The following PXDNL variants were observed in gnomAD, a reference collection of about 807,000 sequenced individuals.
The protein encoded by PXDNL is peroxidasin like.
PXDNL carries 145 observed loss-of-function variants against 150.8 expected under a neutral mutation model. That is an observed-to-expected ratio of 0.96 (90% CI 0.84 to 1.10). The LOEUF (loss-of-function observed/expected upper bound fraction) is 1.10, where lower values mean the gene tolerates loss of function less well. PXDNL is among the 50% of genes least tolerant of loss of function. PXDNL has a pLI of 0.00. For missense variants in PXDNL, 2,087 were observed against 1,873.9 expected, an observed-to-expected ratio of 1.11 and a Z score of -2.10; for synonymous variants, 757 against 725.7, an observed-to-expected ratio of 1.04 and a Z score of -0.69.
At chr8:51,326,384 G>T (rs1329611567) in intron 21 of PXDNL, among the ~76,000 whole-genome samples, 2 of 152,144 alleles carry the variant, frequency 1.3e-5, no homozygotes, top group Non-Finnish European at 2.9e-5. Flanking sequence ...TGTAATCTGA[G>T]CTACTCAGGA....
At position 51,797,941 on chromosome 8, in the gene PXDNL, A is replaced by G. The variant is rs544251220; in HGVS notation, c.164+11240T>C. 9.8e-5 allele frequency among the ~76,000 whole-genome samples: 15 copies of G among 152,342 alleles called. No homozygotes were observed. In the South Asian group the frequency reaches 2.7e-3, roughly 27 times the overall value. On this transcript the variant is annotated intron_variant, in intron 1 of 22. Transcript: ENST00000356297. ...ACGTCAAACAATACAACAAGGCTAC[A>G]GTAACCAAAACAGCATGGTACTGAT...
intron 1 of PXDNL, among the ~76,000 whole-genome samples, chr8:51,658,344 G>GAAAAAATAAAA (rs1815195249): frequency 1.1e-5 from 1 of 94,232 alleles, no homozygotes. Flanking sequence ...CCTGTCTCAA[G>GAAAAAATAAAA]AAAAAAAAAA....
At chr8:51,330,073 T>C (rs1345388950) in intron 21 of PXDNL, among the ~76,000 whole-genome samples, 6 of 152,204 alleles carry the variant, frequency 3.9e-5, no homozygotes, top group Admixed American at 2.0e-4. Context: ...TCCAATTTTT[T>C]GTTCCATTCA....
intron 4 of PXDNL, among the ~76,000 whole-genome samples, chr8:51,522,311 TG>T (rs1446672935): frequency 3.3e-5 from 5 of 152,212 alleles, no homozygotes; most frequent in Non-Finnish European, 4.4e-5. Flanking sequence ...CCTCTTGTTC[TG>T]GGTTCTCTGT....
At chr8:51,337,694 T>C (rs1805868930) in intron 21 of PXDNL, among the ~76,000 whole-genome samples, 1 of 151,454 alleles carries the variant, frequency 6.6e-6, no homozygotes, top group African/African-American at 2.4e-5. Context: ...CTGGCCAACA[T>C]GGTGAAACCC....
intron 2 of PXDNL, among the ~76,000 whole-genome samples, chr8:51,617,113 G>C (rs546749780): frequency 3.3e-5 from 5 of 152,166 alleles, no homozygotes; most frequent in Admixed American, 3.3e-4. Context: ...AGGGAGTCCT[G>C]GCGAAGCTTG....
At chr8:51,372,504 C>T (rs550680735) in intron 18 of PXDNL, among the ~76,000 whole-genome samples, 1 of 152,332 alleles carries the variant, frequency 6.6e-6, no homozygotes, top group Admixed American at 6.5e-5. Flanking sequence ...CCTGCCTCAG[C>T]CTCCCAAGTA....
At chr8:51,467,520 T>G (rs1363276075) in intron 8 of PXDNL, among the ~76,000 whole-genome samples, 2 of 152,052 alleles carry the variant, frequency 1.3e-5, no homozygotes, top group South Asian at 4.1e-4. Flanking sequence ...TTTGTTACTA[T>G]GCTCACTTCT....
chr8:51,506,219 G>A (rs1465832166), intron 4 of PXDNL, among the ~76,000 whole-genome samples: 1 of 152,214 alleles, frequency 6.6e-6, no homozygotes, highest in African/African-American at 2.4e-5. Flanking sequence ...TTCACTCTTT[G>A]GGAAGTTATT....
intron 2 of PXDNL, among the ~76,000 whole-genome samples, chr8:51,615,261 C>T (rs998061935): frequency 6.6e-6 from 1 of 151,816 alleles, no homozygotes; most frequent in Middle Eastern, 3.4e-3. Context: ...AAAATCCTTA[C>T]AATTTTTTTC....
Position 51,337,455 on chromosome 8 carries a change from C to T in PXDNL, c.4146+2169G>A, listed in dbSNP as rs370037222. 5.3e-5 allele frequency among the ~76,000 whole-genome samples: 8 copies of T among 152,242 alleles called. No homozygotes were observed. In the East Asian group the frequency reaches 1.5e-3, roughly 29 times the overall value. ...ACATCTCTTCCCTGATACACATTAA[C>T]TCACGAGGATGAAATAGGGTTTCCG... On this transcript the variant is annotated intron_variant, in intron 21 of 22. Transcript: ENST00000356297.
At chr8:51,531,193 G>A (rs1034689934) in intron 4 of PXDNL, among the ~76,000 whole-genome samples, 4 of 152,220 alleles carry the variant, frequency 2.6e-5, no homozygotes, top group Non-Finnish European at 1.5e-5. Context: ...AGCTAAAGCT[G>A]TCTAGAGCTA....
intron 5 of PXDNL, among the ~76,000 whole-genome samples, chr8:51,492,426 A>C (rs1810916816): frequency 6.6e-6 from 1 of 152,108 alleles, no homozygotes; most frequent in Non-Finnish European, 1.5e-5. Context: ...AGAGTGTCAG[A>C]AAGTGGGTGC....
At chr8:51,628,906 G>GA (rs59345635) in intron 2 of PXDNL, among the ~76,000 whole-genome samples, 2 of 151,806 alleles carry the variant, frequency 1.3e-5, no homozygotes, top group African/African-American at 4.8e-5. Context: ...TTGAAGAGGG[G>GA]AAAAAAACTG....
chr8:51,695,633 T>C (rs1816104428), intron 1 of PXDNL, among the ~76,000 whole-genome samples: 1 of 152,084 alleles, frequency 6.6e-6, no homozygotes, highest in African/African-American at 2.4e-5. Flanking sequence ...CATTAACTGT[T>C]CCCTCCCCAA....
At position 51,592,686 on chromosome 8, in the gene PXDNL, G is replaced by T; in HGVS notation, c.249C>A (p.Asn83Lys). The T allele has an allele frequency of 6.5e-7, 1 of 1,547,278 alleles. No individual in the cohort carries two copies. The change falls in exon 3 of 23, where the codon AAC becomes AAA. Residue 83 changes from asparagine to lysine, a missense_variant. Asn to Lys is a moderately conservative substitution (Grantham distance 94, BLOSUM62 0). Coordinates refer to ENST00000356297, the MANE Select transcript of PXDNL (RefSeq NM_144651.5). ...TTCTGGAAATCTTTCTGATGTGGTT[G>T]TTGTTCAGCAGACTGAAAAAGCAAA... ...LKNLNTLLLN[N>K]NHIRKISRNA...
At chr8:51,674,033 G>A (rs1046091798) in intron 1 of PXDNL, among the ~76,000 whole-genome samples, 1 of 152,172 alleles carries the variant, frequency 6.6e-6, no homozygotes, top group African/African-American at 2.4e-5. Context: ...GGCCCTACAT[G>A]TATTTTCTTG....
At chr8:51,360,182 C>T (rs551609593) in intron 19 of PXDNL, among the ~76,000 whole-genome samples, 9 of 152,216 alleles carry the variant, frequency 5.9e-5, no homozygotes, top group Non-Finnish European at 8.8e-5. Context: ...CAACCATTCA[C>T]GTATACACTT....
chr8:51,416,574 T>G (rs1808806520), intron 14 of PXDNL, among the ~76,000 whole-genome samples: 1 of 152,248 alleles, frequency 6.6e-6, no homozygotes, highest in Non-Finnish European at 1.5e-5. Flanking sequence ...CTTTTAAAAC[T>G]GCATGTTGCA....
Sources: gnomAD v4.1 joint callset for allele counts (sites outside exome capture counted in the v4.1 genomes callset) on GRCh38, gnomAD v4.1.1 for gene constraint, MANE v1.5 for transcripts, NCBI Gene and HGNC (gene_info 2026-07-23, HGNC 2026-07-21) for gene names.